Variants in CEP290 observed in about 807,000 individuals in gnomAD.
The protein encoded by CEP290 is centrosomal protein 290.
CEP290 carries 317 observed loss-of-function variants against 344.9 expected under a neutral mutation model. The observed-to-expected ratio is 0.92, with a 90% confidence interval of 0.84 to 1.01. CEP290 has a LOEUF of 1.01. Ranked by LOEUF, CEP290 falls within the 50% of genes least tolerant of loss-of-function variation. The pLI is 0.00. For synonymous variants in CEP290, 932 were observed against 895.8 expected, an observed-to-expected ratio of 1.04 and a Z score of -0.72; for missense variants, 2,754 against 2,761.4, an observed-to-expected ratio of 1.00 and a Z score of 0.06.
At chr12:88,119,630 C>T (rs2039281338) in intron 15 of CEP290, among the ~76,000 whole-genome samples, 2 of 152,124 alleles carry the variant, frequency 1.3e-5, no homozygotes, top group South Asian at 4.1e-4. Context: ...GAAATCCCAT[C>T]TCTACCAAAA....
chr12:88,101,145 A>G (rs2037842779), intron 26 of CEP290, among the ~76,000 whole-genome samples: 1 of 152,122 alleles, frequency 6.6e-6, no homozygotes, highest in African/African-American at 2.4e-5. Flanking sequence ...AATAAAAAAT[A>G]AAACTAAGAC....
Position 88,115,095 on chromosome 12 carries a change from T to TA in CEP290, c.1909+2dup. On this transcript the variant is annotated splice_region_variant and intron_variant, in intron 19 of 53. Coordinates refer to ENST00000552810, the MANE Select transcript of CEP290 (RefSeq NM_025114.4). ...AGAAAAGTAAAAGATAATTGTAACTTACATTTATTCTGAAATTTGGCTATC... is the reference window on the plus strand; with the variant it reads ...AGAAAAGTAAAAGATAATTGTAACTTAACATTTATTCTGAAATTTGGCTATC... 7.2e-7 allele frequency: 1 copy of TA among 1,389,816 alleles called. No individual in the cohort carries two copies. Among genetic ancestry groups the TA allele is most frequent in the East Asian group, 2.3e-5 (1 of 43,018 alleles). 86.1% of individuals were successfully genotyped at this position (1,389,816 alleles called of 1,614,324 possible).
chr12:88,128,161 C>T (rs1414974828), intron 11 of CEP290, among the ~76,000 whole-genome samples: 1 of 152,078 alleles, frequency 6.6e-6, no homozygotes, highest in South Asian at 2.1e-4. Flanking sequence ...ATAGCAGAGA[C>T]CAGGTGGTCT....
chr12:88,102,129 C>A (rs2471533), intron 26 of CEP290, among the ~76,000 whole-genome samples: 118,783 of 152,072 alleles, frequency 0.78, 50,443 homozygotes, highest in East Asian at 0.96. Flanking sequence ...GGAAGATGAA[C>A]AAATCAGGAG....
At chr12:88,078,386 G>T (rs925648002) in intron 39 of CEP290, among the ~76,000 whole-genome samples, 1 of 152,076 alleles carries the variant, frequency 6.6e-6, no homozygotes, top group Non-Finnish European at 1.5e-5. Flanking sequence ...CCACTAGAAA[G>T]GAGTTCCTAG....
At position 88,093,876 on chromosome 12, in the gene CEP290, T is replaced by C. The variant is rs1276779845; in HGVS notation, c.3203A>G (p.Asn1068Ser). Residue 1068 changes from asparagine (N) to serine (S), a missense_variant, in exon 28 of 54, where the codon AAT becomes AGT. Transcript: ENST00000552810. The stretch of plus-strand genomic sequence containing the variant: ...ACAATGTTCAGCCCGCTGCCTTTCA[T>C]TTAATTCCTTCATTTCCAGCATAGT... ...KITMLEMKEL[N>S]ERQRAEHCQK... 4 of 1,613,038 alleles carry C rather than the reference T, an allele frequency of 2.5e-6. No individual in the cohort carries two copies. In the Admixed American group the frequency reaches 6.7e-5, roughly 27 times the overall value.
intron 41 of CEP290, among the ~76,000 whole-genome samples, chr12:88,075,479 C>T (rs2035696594): frequency 6.6e-6 from 1 of 151,230 alleles, no homozygotes; most frequent in Non-Finnish European, 1.5e-5. Flanking sequence ...GTTCTAGGTG[C>T]TGGGAATACA....
chr12:88,083,982 C>T, intron 35 of CEP290, 28 bp from the exon 36 acceptor site: 1 of 1,359,326 alleles, frequency 7.4e-7, no homozygotes, highest in Middle Eastern at 1.9e-4. Flanking sequence ...GAAACTATAT[C>T]TTAAATTGTG....
intron 20 of CEP290, among the ~76,000 whole-genome samples, chr12:88,113,618 C>T (rs559844560): frequency 1.3e-5 from 2 of 151,760 alleles, no homozygotes; most frequent in African/African-American, 2.4e-5. Flanking sequence ...ACAATGTACG[C>T]TAAATATGTT....
At chr12:88,101,480 CAAAAAAA>C (rs762783922) in intron 26 of CEP290, among the ~76,000 whole-genome samples, 8 of 44,276 alleles carry the variant, frequency 1.8e-4, no homozygotes, top group Non-Finnish European at 3.1e-4. Context: ...GACTCTGCCT[CAAAAAAA>C]AAAAAAAAAA....
At chr12:88,105,932 A>G (rs1462603032) in intron 25 of CEP290, among the ~76,000 whole-genome samples, 4 of 152,102 alleles carry the variant, frequency 2.6e-5, no homozygotes, top group African/African-American at 2.4e-5. Context: ...CAAACAAAAA[A>G]AAAAACATTT....
intron 27 of CEP290, among the ~76,000 whole-genome samples, chr12:88,096,191 G>A (rs2037416891): frequency 6.6e-6 from 1 of 152,070 alleles, no homozygotes; most frequent in South Asian, 2.1e-4. Context: ...TGGAATTACA[G>A]GCAACTGCCA....
rs1479489657 is a variant in CEP290 at position 88,130,275 on chromosome 12, T to G, written c.662A>C (p.Glu221Ala). 6.3e-7 allele frequency: 1 copy of G among 1,597,630 alleles called. No individual in the cohort carries two copies. The highest frequency in any genetic ancestry group is 1.4e-5 in the African/African-American group (1 of 73,790). ...KNYELIQYLDEIQTLTEANEK... is the reference protein window; with the variant it reads ...KNYELIQYLDAIQTLTEANEK... ...GACTTCTAGCCATTTTACCTGAATT[T>G]CATCAAGATATTGGATAAGCTCATA... Residue 221 changes from glutamate (E) to alanine (A), a missense_variant, in exon 9 of 54, where the codon GAA becomes GCA. By Grantham distance (107) the Glu-to-Ala change is moderately radical (BLOSUM62 -1). Coordinates refer to ENST00000552810, the MANE Select transcript of CEP290 (RefSeq NM_025114.4).
chr12:88,086,739 T>TCCATCCATCCATC (rs2036611679), intron 32 of CEP290, among the ~76,000 whole-genome samples: 1 of 15,876 alleles, frequency 6.3e-5, no homozygotes, highest in South Asian at 3.2e-3. Context: ...ATCCATCCGT[T>TCCATCCATCCATC]CAGCTATACG....
intron 15 of CEP290, among the ~76,000 whole-genome samples, chr12:88,119,189 C>A (rs1179180071): frequency 1.3e-5 from 2 of 152,138 alleles, no homozygotes; most frequent in African/African-American, 4.8e-5. Flanking sequence ...ACATATATAT[C>A]TGTATAAAAT....
chr12:88,065,829 T>C (rs2034881699), intron 44 of CEP290, among the ~76,000 whole-genome samples: 1 of 152,176 alleles, frequency 6.6e-6, no homozygotes, highest in Admixed American at 6.5e-5. Flanking sequence ...TTTGAAATAA[T>C]AAAACTAAAG....
chr12:88,077,768 C>T lies in CEP290; in HGVS notation c.5515G>A (p.Glu1839Lys), dbSNP rs1306374879. 6.3e-7 allele frequency: 1 copy of T among 1,581,320 alleles called. No individual in the cohort carries two copies. Among genetic ancestry groups the T allele is most frequent in the South Asian group, 1.2e-5 (1 of 84,612 alleles). ...KQKAYNKILR[E>K]KEEIDQENDE... ...TTCTCTTGATCAATTTCCTCTTTCT[C>T]TCTAAGTATTTTATTATAGGCTTTT... Residue 1839 changes from glutamate (E) to lysine (K), a missense_variant, in exon 40 of 54, where the codon GAG becomes AAG. Transcript: ENST00000552810.
At chr12:88,117,773 G>T (rs536716093) in intron 17 of CEP290, among the ~76,000 whole-genome samples, 1 of 152,120 alleles carries the variant, frequency 6.6e-6, no homozygotes, top group East Asian at 1.9e-4. Flanking sequence ...GGTGGCTCAC[G>T]CCTATAATTC....
Position 88,079,188 on chromosome 12 carries a change from T to C in CEP290, c.5268A>G (p.Thr1756=). ...AAATAATACGTTCTTCAGCAGCTGC[T>C]GTCATTTCTGCCCGGAGTTCTAAAA... ...RALLELRAEM[T]AAAEERIISA... is the part of the protein sequence containing the mutation. Residue 1756 remains threonine (T), a synonymous_variant, in exon 39 of 54, where the codon ACA becomes ACG. Coordinates refer to ENST00000552810, the MANE Select transcript of CEP290 (RefSeq NM_025114.4). The C allele has an allele frequency of 6.2e-7, 1 of 1,601,350 alleles. No individual in the cohort carries two copies. The highest frequency in any genetic ancestry group is 8.5e-7 in the Non-Finnish European group (1 of 1,175,322).
Sources: allele counts gnomAD v4.1 joint callset (sites outside exome capture counted in the v4.1 genomes callset), GRCh38; gene constraint gnomAD v4.1.1; transcripts MANE v1.5; gene names NCBI Gene and HGNC (gene_info 2026-07-23, HGNC 2026-07-21).